Variants in PAGE2B observed in about 807,000 individuals in gnomAD.
PAGE2B encodes the protein putative G antigen family E member 3.
In PAGE2B, 5 loss-of-function variants were observed where a neutral mutation model predicts 7.6. The observed-to-expected ratio is 0.66, with a 90% CI of 0.34 to 1.38. The LOEUF is 1.38. Ranked by LOEUF, PAGE2B falls within the 40% of genes most tolerant of loss-of-function variation. The pLI is 0.04. For synonymous variants in PAGE2B, 29 were observed against 26.7 expected (o/e 1.09, Z -0.27); for missense variants, 70 against 78.4 (o/e 0.89, Z 0.41).
At chrX:55,034,083 A>ATAC in the PAGE2B span, among the ~76,000 whole-genome samples, 6 of 111,843 alleles carry the variant, frequency 5.4e-5, no homozygotes, top group Admixed American at 3.8e-4. Context: ...ATGAGTGGGG[A>ATAC]TTAAGGAAGA....
chrX:55,068,226 A>G, the PAGE2B span, among the ~76,000 whole-genome samples: 2 of 111,832 alleles, frequency 1.8e-5, no homozygotes, highest in African/African-American at 6.5e-5. Flanking sequence ...CTTGAGTTGT[A>G]TAAGATGTAA....
At chrX:55,045,130 T>C in the PAGE2B span, 1 of 112,271 alleles carries the variant, frequency 8.9e-6, no homozygotes, top group Non-Finnish European at 1.9e-5. Context: ...CTAGTTATAC[T>C]TTTAATGTAT....
At chrX:55,051,474 A>G in the PAGE2B span, among the ~76,000 whole-genome samples, 2 of 112,049 alleles carry the variant, frequency 1.8e-5, no homozygotes, top group African/African-American at 6.5e-5. Context: ...GTCTTTTCAC[A>G]TAGTCCCATA....
chrX:55,053,496 C>T, the PAGE2B span, among the ~76,000 whole-genome samples: 8 of 112,150 alleles, frequency 7.1e-5, no homozygotes, highest in Non-Finnish European at 3.8e-5. Context: ...CAAACTTGCA[C>T]ATCCTGCACA....
chrX:55,044,807 A>G, the PAGE2B span: 1 of 111,945 alleles, frequency 8.9e-6, no homozygotes, highest in Non-Finnish European at 1.9e-5. Context: ...TGACATTCAT[A>G]AAGTTTTTCT....
the PAGE2B span, among the ~76,000 whole-genome samples, chrX:55,050,636 C>T: frequency 9.0e-6 from 1 of 110,824 alleles, no homozygotes; most frequent in Non-Finnish European, 1.9e-5. Context: ...GCAACCCCTG[C>T]CTTTTTTTGT....
At chrX:55,067,789 T>C in the PAGE2B span, among the ~76,000 whole-genome samples, 3 of 112,637 alleles carry the variant, frequency 2.7e-5, no homozygotes, top group Admixed American at 2.8e-4. Context: ...TTGATTTGCA[T>C]TTCTAATGAC....
chrX:55,076,211 G>C (rs1936511385), intron 2 of PAGE2B, 86 bp downstream of exon 2: 5 of 1,019,568 alleles, frequency 4.9e-6, no homozygotes, highest in Non-Finnish European at 6.7e-6. Flanking sequence ...ACTGATACAG[G>C]TGTTCCATGC....
chrX:55,030,318 T>C, the PAGE2B span, among the ~76,000 whole-genome samples: 1 of 111,679 alleles, frequency 9.0e-6, no homozygotes, highest in Non-Finnish European at 1.9e-5. Flanking sequence ...TCTTCACTTA[T>C]TTCTGCTAAT....
the PAGE2B span, among the ~76,000 whole-genome samples, chrX:55,029,471 G>T: frequency 8.9e-6 from 1 of 111,949 alleles, no homozygotes; most frequent in Non-Finnish European, 1.9e-5. Flanking sequence ...TTTGAACCTA[G>T]GCAATCTGTT....
At position 55,076,665 on chromosome X, in the gene PAGE2B, C is replaced by A. The variant is rs772473676; in HGVS notation, c.181C>A (p.Pro61Thr). ...TGGGGAGATCGAAAATGAAGGAGCA[C>A]CTGCCGTTCAAGGTGAAGGGAGAGT... ...PSGEIENEGA[P>T]AVQGPDMEAF... Residue 61 changes from proline (P) to threonine (T), a missense_variant, in exon 3 of 5, where the codon CCT becomes ACT. Coordinates refer to ENST00000374971, the MANE Select transcript of PAGE2B (RefSeq NM_001015038.3). 6 of 1,205,171 alleles carry A rather than the reference C, an allele frequency of 5.0e-6. 1 individual carries two copies. In the South Asian group the frequency reaches 1.1e-4, roughly 22 times the overall value.
chrX:55,039,464 C>A, the PAGE2B span, among the ~76,000 whole-genome samples: 1 of 105,903 alleles, frequency 9.4e-6, no homozygotes, highest in Non-Finnish European at 2.0e-5. Context: ...TACTGTTCAG[C>A]CTTGAAAAGG....
At chrX:55,034,744 C>A in the PAGE2B span, among the ~76,000 whole-genome samples, 1 of 108,993 alleles carries the variant, frequency 9.2e-6, no homozygotes, top group Middle Eastern at 4.3e-3. Flanking sequence ...GACACACACA[C>A]ACACACACAC....
At chrX:55,048,587 C>A in the PAGE2B span, among the ~76,000 whole-genome samples, 10 of 111,511 alleles carry the variant, frequency 9.0e-5, no homozygotes, top group East Asian at 2.5e-3. Context: ...GGAGTTCACT[C>A]ATGATTTGGC....
the PAGE2B span, among the ~76,000 whole-genome samples, chrX:55,037,062 A>C: frequency 5.4e-5 from 6 of 111,742 alleles, no homozygotes; most frequent in African/African-American, 9.8e-5. Context: ...GGATCTAATT[A>C]AACTAAAGAG....
rs1140756 is a variant in PAGE2B at position 55,076,052 on chromosome X, A to C, written c.11A>C (p.His4Pro). The C allele has an allele frequency of 3.3e-6, 4 of 1,209,152 alleles. No homozygotes were observed. The highest frequency in any genetic ancestry group is 5.9e-5 in the East Asian group (2 of 33,830). MSE[H>P]VRTRSQSSER... Reference sequence around the variant, plus strand: ...TTTTCAGTGGGAAATATGAGTGAGCATGTGAGAACAAGATCCCAATCCTCA... The same window carrying C: ...TTTTCAGTGGGAAATATGAGTGAGCCTGTGAGAACAAGATCCCAATCCTCA... The change falls in exon 2 of 5, where the codon CAT becomes CCT. Residue 4 changes from histidine (H) to proline (P), a missense_variant. By Grantham distance (77) the His-to-Pro change is moderately conservative (BLOSUM62 -2). Coordinates refer to ENST00000374971, the MANE Select transcript of PAGE2B (RefSeq NM_001015038.3).
At chrX:55,073,369 C>T (rs1287949084), upstream of PAGE2B, among the ~76,000 whole-genome samples, 1 of 111,017 alleles carries the variant, frequency 9.0e-6, no homozygotes, top group Non-Finnish European at 1.9e-5. Context: ...CTTTTGCTCA[C>T]CCTCCATGGG....
the PAGE2B span, among the ~76,000 whole-genome samples, chrX:55,049,943 T>A: frequency 8.9e-6 from 1 of 112,218 alleles, no homozygotes; most frequent in East Asian, 2.8e-4. Flanking sequence ...TTGTGGGCAT[T>A]TAGTGCTATA....
the PAGE2B span, among the ~76,000 whole-genome samples, chrX:55,062,621 A>AT: frequency 9.0e-6 from 1 of 111,126 alleles, no homozygotes; most frequent in African/African-American, 3.3e-5. Context: ...CAATTTGTCC[A>AT]TTTTTGCTTT....
Sources: allele counts gnomAD v4.1 joint callset (sites outside exome capture counted in the v4.1 genomes callset), GRCh38; gene constraint gnomAD v4.1.1; transcripts MANE v1.5; gene names NCBI Gene and HGNC (gene_info 2026-07-23, HGNC 2026-07-21).